The following KCNMA1 variants were observed in gnomAD, a reference collection of about 807,000 sequenced individuals.
The protein encoded by KCNMA1 is potassium calcium-activated channel subfamily M alpha 1.
In KCNMA1, 29 loss-of-function variants were observed where a neutral mutation model predicts 140.0. The observed-to-expected ratio is 0.21, with a 90% CI of 0.15 to 0.28. The LOEUF is 0.28. Ranked by LOEUF, KCNMA1 falls within the 10% of genes least tolerant of loss-of-function variation. The pLI, the probability that KCNMA1 is intolerant of heterozygous loss-of-function variation, is 1.00. For missense variants in KCNMA1, 880 were observed against 1,602.2 expected, an observed-to-expected ratio of 0.55 and a Z score of 7.70; for synonymous variants, 612 against 611.9, an observed-to-expected ratio of 1.00 and a Z score of 0.00.
intron 1 of KCNMA1, among the ~76,000 whole-genome samples, chr10:77,445,439 A>G (rs1346267440): frequency 1.3e-5 from 2 of 152,076 alleles, no homozygotes; most frequent in East Asian, 3.9e-4. Context: ...AAAAGAAACT[A>G]TGGTTGATTT....
intron 23 of KCNMA1, among the ~76,000 whole-genome samples, chr10:76,928,289 G>GCGCGCA (rs1478548715): frequency 1.4e-5 from 1 of 73,316 alleles, no homozygotes; most frequent in African/African-American, 3.7e-5. Flanking sequence ...ACACGCGCGC[G>GCGCGCA]CACACACACA....
At chr10:77,412,503 T>C (rs973999831) in intron 1 of KCNMA1, among the ~76,000 whole-genome samples, 1 of 152,326 alleles carries the variant, frequency 6.6e-6, no homozygotes. Context: ...GGAAGCCTTC[T>C]GGACCAGAAG....
chr10:77,571,486 C>T (rs2071283191), intron 1 of KCNMA1, among the ~76,000 whole-genome samples: 4 of 152,196 alleles, frequency 2.6e-5, no homozygotes, highest in Admixed American at 2.0e-4. Context: ...TGAAGGCAGA[C>T]TTATGATTAC....
intron 20 of KCNMA1, among the ~76,000 whole-genome samples, chr10:76,964,553 A>G (rs954113743): frequency 6.6e-6 from 1 of 152,138 alleles, no homozygotes; most frequent in African/African-American, 2.4e-5. Flanking sequence ...GGCCTGTCAT[A>G]TGCTATCAGT....
chr10:77,408,870 G>A (rs113042545), intron 1 of KCNMA1, among the ~76,000 whole-genome samples: 376 of 152,286 alleles, frequency 2.5e-3, no homozygotes, highest in Non-Finnish European at 4.2e-3. Context: ...AGAGCCTTGT[G>A]TAAAGCAGGC....
chr10:77,342,448 G>T (rs1484857910), intron 2 of KCNMA1, among the ~76,000 whole-genome samples: 1 of 152,138 alleles, frequency 6.6e-6, no homozygotes, highest in Non-Finnish European at 1.5e-5. Context: ...TAAGAGTGTG[G>T]ATTCAGGGAT....
chr10:77,140,493 A>C (rs1207917835), intron 5 of KCNMA1: 1 of 152,618 alleles, frequency 6.6e-6, no homozygotes, highest in Admixed American at 6.5e-5. Flanking sequence ...CCAGAATCTT[A>C]CTGGGGATCA....
intron 1 of KCNMA1, among the ~76,000 whole-genome samples, chr10:77,495,836 C>A (rs1037463683): frequency 6.6e-6 from 1 of 152,144 alleles, no homozygotes; most frequent in Admixed American, 6.5e-5. Context: ...AGGGACTGAC[C>A]CCTCCATTCC....
Position 77,108,360 on chromosome 10 carries a change from G to T in KCNMA1, c.1223+121C>A, listed in dbSNP as rs1052228527. On this transcript the variant is annotated intron_variant, in intron 9 of 27. Coordinates refer to ENST00000286628, the MANE Select transcript of KCNMA1 (RefSeq NM_001161352.2). The surrounding 1 kb of genome is among the most constrained non-coding windows in gnomAD (Gnocchi z 4.6). ...GGATGAGAGCAGCAATTTCGGGCAC[G>T]TAGCGGGCAAACATTGCCTACATGC... 1 of 1,592,964 alleles carries T rather than the reference G, an allele frequency of 6.3e-7. No individual in the cohort carries two copies. Among genetic ancestry groups the T allele is most frequent in the Non-Finnish European group, 8.5e-7 (1 of 1,175,734 alleles).
chr10:76,884,187 C>A (rs1388359609), downstream of KCNMA1: 2 of 156,290 alleles, frequency 1.3e-5, no homozygotes, highest in African/African-American at 2.4e-5. Context: ...GTCTGAAAGG[C>A]AGCTGGCAGG....
intron 19 of KCNMA1, among the ~76,000 whole-genome samples, chr10:76,987,792 G>A (rs923734498): frequency 5.3e-5 from 4 of 75,374 alleles, no homozygotes; most frequent in Non-Finnish European, 8.8e-5. Context: ...GAAACTGGTT[G>A]AGGCCAAACT....
chr10:77,084,686 T>C lies in KCNMA1; in HGVS notation c.1474A>G (p.Asn492Asp). 6.2e-7 allele frequency: 1 copy of C among 1,614,154 alleles called. No individual in the cohort carries two copies. Among genetic ancestry groups the C allele is most frequent in the Non-Finnish European group, 8.5e-7 (1 of 1,180,024 alleles). Residue 492 changes from asparagine (N) to aspartate (D), a missense_variant, in exon 12 of 28, where the codon AAC (asparagine) becomes GAC (aspartate). This residue lies in a region of KCNMA1 where 198 missense variants were observed against 580.1 expected (regional missense o/e 0.34). Transcript: ENST00000286628. The stretch of plus-strand genomic sequence containing the variant: ...GCATCCGGGTCAGCGCAGTACTTGT[T>C]GGCAAGGATCAGGCATGCATCTGCT... ...ESADACLILA[N>D]KYCADPDAED...
chr10:77,391,395 T>C (rs1044382161), intron 2 of KCNMA1, among the ~76,000 whole-genome samples: 1 of 152,146 alleles, frequency 6.6e-6, no homozygotes, highest in Non-Finnish European at 1.5e-5. Flanking sequence ...TTTTACAAAC[T>C]GAAATTAACT....
chr10:77,509,313 T>C (rs993302010), intron 1 of KCNMA1, among the ~76,000 whole-genome samples: 1 of 152,176 alleles, frequency 6.6e-6, no homozygotes, highest in African/African-American at 2.4e-5. Flanking sequence ...GAGACGGGGT[T>C]TGACCATGTT....
At chr10:77,358,646 C>T (rs1172629217) in intron 2 of KCNMA1, among the ~76,000 whole-genome samples, 1 of 152,192 alleles carries the variant, frequency 6.6e-6, no homozygotes, top group Non-Finnish European at 1.5e-5. Context: ...AAAGTCCTAC[C>T]ACCCCTGCCC....
chr10:77,012,407 G>A, intron 17 of KCNMA1: 2 of 1,543,866 alleles, frequency 1.3e-6, no homozygotes, highest in South Asian at 2.4e-5. Flanking sequence ...TGGTGGGGAA[G>A]TTAAATACAA....
At chr10:77,444,287 C>T (rs1420430747) in intron 1 of KCNMA1, among the ~76,000 whole-genome samples, 4 of 152,210 alleles carry the variant, frequency 2.6e-5, no homozygotes, top group African/African-American at 7.2e-5. Context: ...GTGACTTGTT[C>T]AGACTCCTGC....
chr10:77,163,864 T>C (rs1468206329), intron 5 of KCNMA1, among the ~76,000 whole-genome samples: 1 of 152,164 alleles, frequency 6.6e-6, no homozygotes, highest in Admixed American at 6.5e-5. Flanking sequence ...ATGTGTCTTC[T>C]CCTCATGTGA....
intron 22 of KCNMA1, among the ~76,000 whole-genome samples, chr10:76,948,737 G>A (rs2065163163): frequency 6.6e-6 from 1 of 152,160 alleles, no homozygotes; most frequent in Non-Finnish European, 1.5e-5. Context: ...AAAAACAGAA[G>A]GTGGCACAGA....
Sources: gnomAD v4.1 joint callset for allele counts (sites outside exome capture counted in the v4.1 genomes callset) on GRCh38, gnomAD v4.1.1 for gene constraint, gnomAD v4.1.1 regional missense constraint, Gnocchi (gnomAD v3.1) non-coding constraint, MANE v1.5 for transcripts, NCBI Gene and HGNC (gene_info 2026-07-23, HGNC 2026-07-21) for gene names.